Variants in RPAP1 observed in about 807,000 individuals in gnomAD.
RPAP1 encodes RNA polymerase II-associated protein 1.
In RPAP1, 109 loss-of-function variants were observed where a neutral mutation model predicts 142.4. The ratio of observed to expected loss-of-function variants is 0.77; its 90% CI spans 0.66 to 0.90. The LOEUF (loss-of-function observed/expected upper bound fraction) is 0.90, where lower values mean the gene tolerates loss of function less well. Ranked by LOEUF, RPAP1 falls within the 40% of genes least tolerant of loss-of-function variation. The pLI is 0.00. For synonymous variants in RPAP1, 704 were observed against 738.9 expected (o/e 0.95, Z 0.77); for missense variants, 1,546 against 1,751.7 (o/e 0.88, Z 2.10).
intron 6 of RPAP1, 131 bp downstream of exon 6, chr15:41,534,583 C>CAAA (rs764568682): frequency 1.7e-3 from 298 of 179,244 alleles, no homozygotes; most frequent in African/African-American, 5.4e-3. Context: ...AAGACCATCT[C>CAAA]AAAAAAAAAA....
At position 41,518,113 on chromosome 15, in the gene RPAP1, G is replaced by A. The variant is rs771791824; in HGVS notation, c.3865C>T (p.Arg1289Trp). Residue 1289 changes from arginine (R) to tryptophan (W), a missense_variant, in exon 23 of 25, where the codon CGG becomes TGG. By Grantham distance (101) the Arg-to-Trp change is moderately radical. This residue lies in a region of RPAP1 where 210 missense variants were observed against 248.0 expected (regional missense o/e 0.85). Transcript: ENST00000304330. ...CGGAGCGCACCAGTAACCAGGGTCC[G>A]GAAGTAGAGCTGAAGGAGGGCCAGG... Reference protein sequence around the residue: ...DNLALLQLYFRTLVTGALRPR... With the variant: ...DNLALLQLYFWTLVTGALRPR... 38 of 1,605,144 alleles carry A rather than the reference G, an allele frequency of 2.4e-5. No homozygotes were observed. The highest frequency in any genetic ancestry group is 3.1e-5 in the Non-Finnish European group (36 of 1,177,640).
At chr15:41,533,049 C>G (rs2140780497) in intron 6 of RPAP1, among the ~76,000 whole-genome samples, 1 of 150,630 alleles carries the variant, frequency 6.6e-6, no homozygotes, top group Admixed American at 6.6e-5. Flanking sequence ...ATCCTGTGTC[C>G]TGTGCTTCTT....
At position 41,517,622 on chromosome 15, in the gene RPAP1, A is replaced by T. The variant is rs749529433; in HGVS notation, c.4102T>A (p.Ser1368Thr). Residue 1368 changes from serine to threonine, a missense_variant, in exon 25 of 25, where the codon TCT becomes ACT. Ser to Thr is a moderately conservative substitution (Grantham distance 58). Coordinates refer to ENST00000304330, the MANE Select transcript of RPAP1 (RefSeq NM_015540.4). ...STLPEGFELY[S>T]QLPPLRQHYL... The stretch of plus-strand genomic sequence containing the variant: ...TGCTGACGCAGAGGGGGCAACTGAG[A>T]ATAGAGCTCAAAGCCCTCTGGGAGC... 2 of 1,612,282 alleles carry T rather than the reference A, an allele frequency of 1.2e-6. No homozygotes were observed. Among genetic ancestry groups the T allele is most frequent in the Non-Finnish European group, 1.7e-6 (2 of 1,179,006 alleles).
Position 41,528,301 on chromosome 15 carries a change from C to A in RPAP1, c.1194G>T (p.Leu398=). 1.2e-6 allele frequency: 2 copies of A among 1,603,934 alleles called. No individual in the cohort carries two copies. Among genetic ancestry groups the A allele is most frequent in the South Asian group, 2.2e-5 (2 of 89,002 alleles). The change falls in exon 10 of 25, where the codon CTG becomes CTT. Residue 398 remains leucine (L), a synonymous_variant. Coordinates refer to ENST00000304330, the MANE Select transcript of RPAP1 (RefSeq NM_015540.4). Reference sequence around the variant, plus strand: ...TCTGCTGGGAAACCTGGCTGCGGGTCAGGTGGAACAGCTCCTGTAGGGAAT... The same window carrying A: ...TCTGCTGGGAAACCTGGCTGCGGGTAAGGTGGAACAGCTCCTGTAGGGAAT... ...AGYSLQELFH[L]TRSQVSQQRA... is the part of the protein sequence containing the mutation.
intron 18 of RPAP1, 95 bp downstream of exon 18, chr15:41,523,150 C>T (rs2051748416): frequency 3.8e-6 from 4 of 1,048,150 alleles, no homozygotes; most frequent in African/African-American, 3.2e-5. Flanking sequence ...AGGGCCTGCA[C>T]CCTGGGATGG....
chr15:41,529,987 G>T lies in RPAP1; in HGVS notation c.944-8C>A. ...TCACGGGCAATGCCAGAGCTGGGGA[G>T]ACAAAGCATGATAGTATTACCCAAA... On this transcript the variant is annotated splice_polypyrimidine_tract_variant and splice_region_variant and intron_variant, in intron 7 of 24. Coordinates refer to ENST00000304330, the MANE Select transcript of RPAP1 (RefSeq NM_015540.4). The T allele has an allele frequency of 6.2e-7, 1 of 1,610,516 alleles. No homozygotes were observed. Among genetic ancestry groups the T allele is most frequent in the South Asian group, 1.1e-5 (1 of 90,900 alleles).
chr15:41,531,339 T>G (rs1295093479), intron 6 of RPAP1, 137 bp from the exon 7 acceptor site: 1 of 832,038 alleles, frequency 1.2e-6, no homozygotes, highest in African/African-American at 1.7e-5. Flanking sequence ...GGCCTGAGCC[T>G]TCTGGGTGCT....
intron 22 of RPAP1, 65 bp downstream of exon 22, chr15:41,520,326 C>T: frequency 1.9e-6 from 3 of 1,579,036 alleles, no homozygotes; most frequent in Non-Finnish European, 1.7e-6. Context: ...CTCCTCAAGG[C>T]TCAGGACTGC....
chr15:41,531,627 ATTTTTTTTTTTTTTTTT>A (rs150550154), intron 6 of RPAP1, among the ~76,000 whole-genome samples: 29 of 22,024 alleles, frequency 1.3e-3, no homozygotes, highest in African/African-American at 1.7e-3. Context: ...ATATATATAT[ATTTTTTTTTTTTTTTTT>A]TTTTTTTTTT....
chr15:41,535,600 G>T lies in RPAP1; in HGVS notation c.453C>A (p.Ile151=). 1.2e-6 allele frequency: 2 copies of T among 1,614,098 alleles called. No homozygotes were observed. Among genetic ancestry groups the T allele is most frequent in the Non-Finnish European group, 1.7e-6 (2 of 1,179,994 alleles). The change falls in exon 5 of 25, where the codon ATC becomes ATA. Residue 151 remains isoleucine (I), a synonymous_variant. Transcript: ENST00000304330. ...GKSATSGKRS[I]FAQEIAARRI... ...TCCTTGCCGCAATTTCCTGGGCAAA[G>T]ATGCTTCTCTTACCAGATGTTGCTG...
In RPAP1 at chr15:41,517,554, T is replaced by TA. The variant is rs1176628621; in HGVS notation, c.4169dup (p.Ser1391IlefsTer6). Reference sequence around the variant, plus strand: ...TATATCAACTATCCTAGGTCTCTGATACCCCATTTTGGAGCACTGTTGAAG... The same window carrying TA: ...TATATCAACTATCCTAGGTCTCTGATAACCCCATTTTGGAGCACTGTTGAAG... On this transcript the variant is annotated frameshift_variant, in exon 25 of 25. Coordinates refer to ENST00000304330, the MANE Select transcript of RPAP1 (RefSeq NM_015540.4). LOFTEE classifies it high-confidence loss of function. 6.4e-7 allele frequency: 1 copy of TA among 1,568,028 alleles called. No individual in the cohort carries two copies. The highest frequency in any genetic ancestry group is 8.6e-7 in the Non-Finnish European group (1 of 1,157,674).
At chr15:41,531,602 T>C (rs68090643) in intron 6 of RPAP1, among the ~76,000 whole-genome samples, 673 of 43,944 alleles carry the variant, frequency 0.015, 9 homozygotes, top group East Asian at 0.076. Context: ...CACACACACA[T>C]ATATATATAT....
At position 41,536,983 on chromosome 15, in the gene RPAP1, G is replaced by A; in HGVS notation, c.143C>T (p.Pro48Leu). Reference protein sequence around the residue: ...RGGGDANSDRPPLQDHRDVVM... With the variant: ...RGGGDANSDRLPLQDHRDVVM... ...CACATCCCGATGGTCCTGGAGCGGA[G>A]GCCGGTCTGAGTTGGCATCACCACC... Residue 48 changes from proline (P) to leucine (L), a missense_variant, in exon 2 of 25, where the codon CCT becomes CTT. Physicochemically the swap from Pro to Leu is moderately conservative, Grantham distance 98. This residue lies in a region of RPAP1 where 1,333 missense variants were observed against 1,486.6 expected (regional missense o/e 0.90). Transcript: ENST00000304330. 6.2e-7 allele frequency: 1 copy of A among 1,614,130 alleles called. No homozygotes were observed. Among genetic ancestry groups the A allele is most frequent in the Non-Finnish European group, 8.5e-7 (1 of 1,180,026 alleles).
chr15:41,543,423 G>A (rs61463203), intron 1 of RPAP1, among the ~76,000 whole-genome samples: 1 of 151,918 alleles, frequency 6.6e-6, no homozygotes, highest in Non-Finnish European at 1.5e-5. Context: ...ATGTTGGCCA[G>A]ACTGGTCTCG....
intron 22 of RPAP1, 96 bp from the exon 23 acceptor site, chr15:41,518,278 G>A (rs1595478904): frequency 9.4e-7 from 1 of 1,065,076 alleles, no homozygotes; most frequent in South Asian, 1.8e-5. Flanking sequence ...CAAATCATGA[G>A]GGCAGAGATC....
chr15:41,524,204 A>G lies in RPAP1; in HGVS notation c.2126T>C (p.Leu709Pro). 1 of 1,571,154 alleles carries G rather than the reference A, an allele frequency of 6.4e-7. No individual in the cohort carries two copies. Among genetic ancestry groups the G allele is most frequent in the Non-Finnish European group, 8.6e-7 (1 of 1,157,188 alleles). Residue 709 changes from leucine to proline, a missense_variant, in exon 16 of 25, where the codon CTC (leucine) becomes CCC (proline). Coordinates refer to ENST00000304330, the MANE Select transcript of RPAP1 (RefSeq NM_015540.4). Reference protein sequence around the residue: ...MRALQVVPRELSTHPPQPLSM... With the variant: ...MRALQVVPREPSTHPPQPLSM... Reference sequence around the variant, plus strand: ...CAGGGGTTGAGGTGGGTGGGTGCTGAGCTCCCGCGGCACCACCTGCAAGGC... The same window carrying G: ...CAGGGGTTGAGGTGGGTGGGTGCTGGGCTCCCGCGGCACCACCTGCAAGGC...
At chr15:41,518,457 G>A (rs1394281284) in intron 22 of RPAP1, 1 of 281,160 alleles carries the variant, frequency 3.6e-6, no homozygotes, top group Non-Finnish European at 6.6e-6. Flanking sequence ...TGAGGCAGGC[G>A]GATCACACGA....
At chr15:41,526,169 C>T (rs1197627592) in intron 14 of RPAP1, among the ~76,000 whole-genome samples, 4 of 151,782 alleles carry the variant, frequency 2.6e-5, no homozygotes, top group Admixed American at 6.6e-5. Flanking sequence ...AGGCTGGTCT[C>T]GAACTCCTGA....
rs2051683254 is a variant in RPAP1 at position 41,518,039 on chromosome 15, A to G, written c.3939T>C (p.Asn1313=). 6.2e-7 allele frequency: 1 copy of G among 1,613,922 alleles called. No individual in the cohort carries two copies. The highest frequency in any genetic ancestry group is 2.2e-5 in the East Asian group (1 of 44,892). ...GTGGGTCCTGAGAGAAGATGAAGCT[A>G]TTGACATGAGCCACAGCCACAGCAT... The part of the protein sequence containing the change: ...VLYAVAVAHV[N]SFIFSQDPQS... The change falls in exon 23 of 25, where the codon AAT becomes AAC. Residue 1313 remains asparagine (N), a synonymous_variant. Coordinates refer to ENST00000304330, the MANE Select transcript of RPAP1 (RefSeq NM_015540.4).
Sources: gnomAD v4.1 joint callset for allele counts (sites outside exome capture counted in the v4.1 genomes callset) on GRCh38, gnomAD v4.1.1 for gene constraint, gnomAD v4.1.1 regional missense constraint, MANE v1.5 for transcripts, NCBI Gene and HGNC (gene_info 2026-07-23, HGNC 2026-07-21) for gene names.